RAD51B: variants seen among roughly 807,000 people sequenced by gnomAD.
RAD51B encodes the protein DNA repair protein RAD51 homolog 2.
Under a neutral mutation model 42.2 loss-of-function variants are expected in RAD51B, and 38 were observed. The ratio of observed to expected loss-of-function variants is 0.90; its 90% confidence interval spans 0.70 to 1.18. RAD51B has a LOEUF of 1.18. Among genes scored for constraint, RAD51B ranks in the 50% most tolerant of loss-of-function variants. RAD51B has a pLI of 0.00. For synonymous variants in RAD51B, 154 were observed against 145.2 expected (o/e 1.06, Z -0.43); for missense variants, 373 against 400.7 (o/e 0.93, Z 0.59).
At chr14:68,326,009 T>C (rs932806107) in intron 8 of RAD51B, among the ~76,000 whole-genome samples, 2 of 150,568 alleles carry the variant, frequency 1.3e-5, no homozygotes, top group Admixed American at 6.7e-5. Context: ...TAAATACTAA[T>C]TGAATAATGT....
chr14:68,032,495 CA>C (rs2076063153), intron 7 of RAD51B, among the ~76,000 whole-genome samples: 1 of 152,178 alleles, frequency 6.6e-6, no homozygotes, highest in Non-Finnish European at 1.5e-5. Flanking sequence ...TATCATGGCT[CA>C]AATCAGAAAA....
At chr14:68,124,475 A>G (rs963299553) in intron 7 of RAD51B, among the ~76,000 whole-genome samples, 4 of 152,200 alleles carry the variant, frequency 2.6e-5, no homozygotes, top group African/African-American at 9.7e-5. Flanking sequence ...TGATGGCTCT[A>G]TTTTTTGAAG....
chr14:68,012,717 A>G (rs1431157117), intron 7 of RAD51B, among the ~76,000 whole-genome samples: 2 of 152,182 alleles, frequency 1.3e-5, no homozygotes, highest in African/African-American at 4.8e-5. Flanking sequence ...TATTGGGAGC[A>G]TTAAATCATA....
intron 9 of RAD51B, among the ~76,000 whole-genome samples, chr14:68,432,200 T>A (rs1594828719): frequency 6.6e-6 from 1 of 152,254 alleles, no homozygotes; most frequent in East Asian, 1.9e-4. Context: ...ATAAGTATGA[T>A]GTGGTGCTAA....
intron 10 of RAD51B, among the ~76,000 whole-genome samples, chr14:68,559,326 T>C (rs1889025038): frequency 6.6e-6 from 1 of 151,998 alleles, no homozygotes; most frequent in Non-Finnish European, 1.5e-5. Context: ...CTGTCATACA[T>C]ATGACACGAT....
At chr14:68,056,400 C>T (rs1042793981) in intron 7 of RAD51B, among the ~76,000 whole-genome samples, 12 of 151,960 alleles carry the variant, frequency 7.9e-5, no homozygotes, top group Non-Finnish European at 1.3e-4. Flanking sequence ...CCACCCGCCT[C>T]GGCCTCCCAA....
intron 7 of RAD51B, among the ~76,000 whole-genome samples, chr14:68,167,682 T>C (rs1167843305): frequency 3.3e-5 from 5 of 152,116 alleles, no homozygotes; most frequent in Admixed American, 3.3e-4. Context: ...CTTTACTTAA[T>C]TGGTATGATT....
intron 7 of RAD51B, among the ~76,000 whole-genome samples, chr14:68,119,787 A>G (rs1244285447): frequency 1.3e-5 from 2 of 151,220 alleles, no homozygotes; most frequent in Non-Finnish European, 2.9e-5. Flanking sequence ...ATACGTGTGC[A>G]TGTGTCTTTA....
At chr14:68,395,152 C>T (rs2083877961) in intron 8 of RAD51B, among the ~76,000 whole-genome samples, 1 of 152,178 alleles carries the variant, frequency 6.6e-6, no homozygotes, top group Non-Finnish European at 1.5e-5. Context: ...GATTCTTCCT[C>T]CTTTATCCCC....
At chr14:68,645,895 T>G (rs1892555209) in intron 10 of RAD51B, among the ~76,000 whole-genome samples, 1 of 151,156 alleles carries the variant, frequency 6.6e-6, no homozygotes, top group African/African-American at 2.4e-5. Context: ...TTTTGGTTAT[T>G]TACATAGGCA....
intron 8 of RAD51B, among the ~76,000 whole-genome samples, chr14:68,361,606 G>A (rs776437121): frequency 6.6e-6 from 1 of 152,102 alleles, no homozygotes; most frequent in Non-Finnish European, 1.5e-5. Context: ...GGAGAAAGGG[G>A]AGAGTCTCCT....
At chr14:68,329,381 G>A (rs2082305022) in intron 8 of RAD51B, among the ~76,000 whole-genome samples, 2 of 152,182 alleles carry the variant, frequency 1.3e-5, no homozygotes, top group East Asian at 1.9e-4. Flanking sequence ...GCACATCTGA[G>A]AATTCAACAA....
At chr14:67,864,676 T>C in intron 4 of RAD51B, 1 of 404,514 alleles carries the variant, frequency 2.5e-6, no homozygotes, top group Non-Finnish European at 4.9e-6. Context: ...GAATGCCAAG[T>C]TATGATGGTA....
Position 68,203,389 on chromosome 14 carries a change from G to A in RAD51B, c.757-88495G>A, listed in dbSNP as rs141675002. ...AGAAATCTTTTTCTCTGAGCAGTAG[G>A]TCTCAACAGTGTGTTTAAAATATTC... is the stretch of plus-strand genomic sequence containing the variant. On this transcript the variant is annotated intron_variant, in intron 7 of 10. Transcript: ENST00000471583. 5.9e-4 allele frequency among the ~76,000 whole-genome samples: 90 copies of A among 152,244 alleles called. No individual in the cohort carries two copies. The East Asian group carries it at 0.016, about 27-fold the overall frequency.
At chr14:68,119,753 A>G (rs1328005461) in intron 7 of RAD51B, among the ~76,000 whole-genome samples, 3 of 151,542 alleles carry the variant, frequency 2.0e-5, no homozygotes, top group Admixed American at 1.3e-4. Flanking sequence ...AGTCTTTGCT[A>G]TTGTGAATAT....
At chr14:68,151,999 A>T (rs2078398399) in intron 7 of RAD51B, among the ~76,000 whole-genome samples, 1 of 151,490 alleles carries the variant, frequency 6.6e-6, no homozygotes, top group Non-Finnish European at 1.5e-5. Flanking sequence ...ATGCGCCACC[A>T]TGCCTGGCTA....
At chr14:68,324,943 G>T (rs545387920) in intron 8 of RAD51B, among the ~76,000 whole-genome samples, 137 of 152,298 alleles carry the variant, frequency 9.0e-4, no homozygotes, top group African/African-American at 3.2e-3. Context: ...GGAAAACTCT[G>T]TTGTATATGT....
chr14:68,366,045 CT>C (rs2083136379), intron 8 of RAD51B, among the ~76,000 whole-genome samples: 1 of 151,392 alleles, frequency 6.6e-6, no homozygotes, highest in African/African-American at 2.4e-5. Flanking sequence ...ATTAAAAATA[CT>C]TTTTTTGATA....
chr14:68,141,791 AT>A (rs2140728916), intron 7 of RAD51B, among the ~76,000 whole-genome samples: 1 of 152,316 alleles, frequency 6.6e-6, no homozygotes, highest in East Asian at 1.9e-4. Flanking sequence ...AACATAAAGC[AT>A]AATAAAAGTA....
Sources: allele counts gnomAD v4.1 joint callset (sites outside exome capture counted in the v4.1 genomes callset), GRCh38; gene constraint gnomAD v4.1.1; transcripts MANE v1.5; gene names NCBI Gene and HGNC (gene_info 2026-07-23, HGNC 2026-07-21).